Variants in TSHZ2 observed in about 807,000 individuals in gnomAD.
TSHZ2 encodes the protein teashirt zinc finger homeobox 2.
Under a neutral mutation model 74.4 loss-of-function variants are expected in TSHZ2, and 21 were observed. The observed-to-expected ratio is 0.28, with a 90% CI of 0.20 to 0.41. TSHZ2 has a LOEUF of 0.41. Among genes scored for constraint, TSHZ2 ranks in the 10% least tolerant of loss-of-function variants. TSHZ2 has a pLI of 1.00. For synonymous variants in TSHZ2, 540 were observed against 515.3 expected, an observed-to-expected ratio of 1.05 and a Z score of -0.65; for missense variants, 1,244 against 1,293.5, an observed-to-expected ratio of 0.96 and a Z score of 0.59.
chr20:53,055,816 T>C (rs567488019), intron 1 of TSHZ2, among the ~76,000 whole-genome samples: 1 of 152,350 alleles, frequency 6.6e-6, no homozygotes, highest in African/African-American at 2.4e-5. Context: ...CAGTCTGGCT[T>C]TGTAAATAAA....
chr20:53,342,763 A>G (rs2145571607), intron 2 of TSHZ2, among the ~76,000 whole-genome samples: 1 of 152,080 alleles, frequency 6.6e-6, no homozygotes, highest in Admixed American at 6.5e-5. Flanking sequence ...CTTTCTAGGA[A>G]ATACTTTCTC....
intron 1 of TSHZ2, among the ~76,000 whole-genome samples, chr20:53,048,807 T>C (rs369140784): frequency 6.6e-6 from 1 of 152,176 alleles, no homozygotes; most frequent in Non-Finnish European, 1.5e-5. Flanking sequence ...TAATAGCTGC[T>C]CACTACACAC....
chr20:53,191,913 T>A (rs1231020504), intron 1 of TSHZ2, among the ~76,000 whole-genome samples: 1 of 152,216 alleles, frequency 6.6e-6, no homozygotes, highest in Non-Finnish European at 1.5e-5. Context: ...TCACTTATTC[T>A]TTGTCTTTTT....
intron 1 of TSHZ2, among the ~76,000 whole-genome samples, chr20:53,031,753 A>G (rs962722526): frequency 3.9e-5 from 6 of 152,214 alleles, no homozygotes; most frequent in African/African-American, 1.4e-4. Flanking sequence ...CAACTCTTTC[A>G]TATTTTCAGC....
At chr20:53,082,738 C>G (rs936630623) in intron 1 of TSHZ2, among the ~76,000 whole-genome samples, 1 of 152,184 alleles carries the variant, frequency 6.6e-6, no homozygotes, top group Non-Finnish European at 1.5e-5. Flanking sequence ...ATCTATCTGG[C>G]AAGAGTTGGT....
At chr20:53,092,484 A>G (rs1985913517) in intron 1 of TSHZ2, among the ~76,000 whole-genome samples, 1 of 152,192 alleles carries the variant, frequency 6.6e-6, no homozygotes, top group South Asian at 2.1e-4. Context: ...AGACCACCTA[A>G]CAAACACGGC....
intron 2 of TSHZ2, among the ~76,000 whole-genome samples, chr20:53,258,339 C>T (rs1990526964): frequency 6.6e-6 from 1 of 151,794 alleles, no homozygotes; most frequent in Non-Finnish European, 1.5e-5. Flanking sequence ...AAATAACTTG[C>T]CATTATGTTT....
At chr20:53,144,949 A>C (rs1216888333) in intron 1 of TSHZ2, among the ~76,000 whole-genome samples, 2 of 152,174 alleles carry the variant, frequency 1.3e-5, no homozygotes, top group Non-Finnish European at 2.9e-5. Context: ...AATAATTCAC[A>C]CCAACAATGT....
intron 2 of TSHZ2, among the ~76,000 whole-genome samples, chr20:53,309,904 A>C (rs1414310299): frequency 2.0e-5 from 3 of 152,222 alleles, no homozygotes; most frequent in African/African-American, 7.2e-5. Context: ...TGATCAAATG[A>C]GTATGGATAA....
intron 1 of TSHZ2, among the ~76,000 whole-genome samples, chr20:53,250,611 G>A (rs567015644): frequency 3.9e-5 from 6 of 152,154 alleles, no homozygotes; most frequent in East Asian, 3.9e-4. Context: ...AGATTTAGTC[G>A]GCTCTGCAGA....
intron 1 of TSHZ2, among the ~76,000 whole-genome samples, chr20:53,236,188 A>C (rs546859888): frequency 2.0e-5 from 3 of 152,138 alleles, no homozygotes; most frequent in Non-Finnish European, 4.4e-5. Context: ...CAATCTCACT[A>C]CCTCTTTAAA....
chr20:53,303,366 CT>C (rs1978387155), intron 2 of TSHZ2, among the ~76,000 whole-genome samples: 1 of 152,182 alleles, frequency 6.6e-6, no homozygotes, highest in Non-Finnish European at 1.5e-5. Flanking sequence ...TAAGGCCCAT[CT>C]TTTAAGTTTA....
Position 53,134,592 on chromosome 20 carries a change from C to G in TSHZ2, c.41-118907C>G, listed in dbSNP as rs375707960. On this transcript the variant is annotated intron_variant, in intron 1 of 2. Transcript: ENST00000371497. ...GTGTCTTCCGAAGGAGATGCATCCTCTATGTATTACGCAGCAACTTGCTTT... is the reference window on the plus strand; with the variant it reads ...GTGTCTTCCGAAGGAGATGCATCCTGTATGTATTACGCAGCAACTTGCTTT... Among the ~76,000 whole-genome samples, 5 of 152,292 alleles carry G rather than the reference C, an allele frequency of 3.3e-5. No individual in the cohort carries two copies. The East Asian group carries it at 7.7e-4, about 24-fold the overall frequency.
At chr20:53,043,754 C>T (rs1984128529) in intron 1 of TSHZ2, among the ~76,000 whole-genome samples, 1 of 151,840 alleles carries the variant, frequency 6.6e-6, no homozygotes, top group Non-Finnish European at 1.5e-5. Context: ...GATAGGCAAT[C>T]TTATAATATA....
chr20:53,001,232 G>GTGTGTATA (rs1982422297), intron 1 of TSHZ2, among the ~76,000 whole-genome samples: 1 of 135,284 alleles, frequency 7.4e-6, no homozygotes, highest in African/African-American at 2.8e-5. Context: ...GTGTGTGTGT[G>GTGTGTATA]TGTGTGTGTG....
intron 1 of TSHZ2, among the ~76,000 whole-genome samples, chr20:53,052,571 T>A (rs2123136615): frequency 6.6e-6 from 1 of 152,280 alleles, no homozygotes; most frequent in African/African-American, 2.4e-5. Context: ...AGGGTTAGGG[T>A]ACTGCTGACT....
At chr20:52,979,859 A>T (rs561628621) in intron 1 of TSHZ2, among the ~76,000 whole-genome samples, 13 of 152,362 alleles carry the variant, frequency 8.5e-5, no homozygotes, top group Admixed American at 2.6e-4. Context: ...AGGAAAACGC[A>T]CAATGCAAAA....
intron 1 of TSHZ2, chr20:53,196,392 A>AAAAAAAAAG (rs71194463): frequency 7.6e-6 from 1 of 132,324 alleles, no homozygotes. Context: ...AAAAAAAAAA[A>AAAAAAAAAG]TGTGCTTTCA....
intron 2 of TSHZ2, among the ~76,000 whole-genome samples, chr20:53,388,874 C>T (rs1239265168): frequency 6.6e-6 from 1 of 152,160 alleles, no homozygotes; most frequent in Non-Finnish European, 1.5e-5. Context: ...TGAGCCACCA[C>T]ACCCGGCTGC....
Sources: gnomAD v4.1 joint callset for allele counts (sites outside exome capture counted in the v4.1 genomes callset) on GRCh38, gnomAD v4.1.1 for gene constraint, MANE v1.5 for transcripts, NCBI Gene and HGNC (gene_info 2026-07-23, HGNC 2026-07-21) for gene names.